DPP4: variants seen among roughly 807,000 people sequenced by gnomAD.
DPP4 encodes ADCP-2.
A neutral mutation model predicts 122.4 loss-of-function variants in DPP4; 93 were observed. The observed-to-expected ratio is 0.76, with a 90% CI of 0.64 to 0.90. DPP4 has a LOEUF of 0.90. Among genes scored for constraint, DPP4 ranks in the 40% least tolerant of loss-of-function variants. The pLI is 0.00. For missense variants in DPP4, 914 were observed against 907.3 expected (o/e 1.01, Z -0.09); for synonymous variants, 321 against 302.9 (o/e 1.06, Z -0.62).
chr2:162,056,114 C>T (rs978493568), intron 2 of DPP4, among the ~76,000 whole-genome samples: 2 of 152,312 alleles, frequency 1.3e-5, no homozygotes, highest in South Asian at 4.1e-4. Context: ...AGCACTGCAG[C>T]CTTCTTCCCC....
At chr2:162,002,598 C>A (rs1434145113) in intron 23 of DPP4, among the ~76,000 whole-genome samples, 2 of 151,636 alleles carry the variant, frequency 1.3e-5, no homozygotes, top group Non-Finnish European at 2.9e-5. Context: ...GTGGTGAAAT[C>A]CTCTAAGGAA....
chr2:162,030,845 C>A (rs1683524321), intron 10 of DPP4, among the ~76,000 whole-genome samples: 2 of 152,176 alleles, frequency 1.3e-5, no homozygotes, highest in Admixed American at 1.3e-4. Flanking sequence ...AATATACATT[C>A]CACACAAAAT....
intron 16 of DPP4, chr2:162,017,442 T>A (rs1682965961): frequency 5.2e-6 from 2 of 381,520 alleles, no homozygotes; most frequent in South Asian, 1.2e-4. Context: ...TTATCATCTC[T>A]GAACTTAATA....
At chr2:162,054,568 T>G (rs1054101500) in intron 2 of DPP4, among the ~76,000 whole-genome samples, 1 of 152,156 alleles carries the variant, frequency 6.6e-6, no homozygotes, top group Non-Finnish European at 1.5e-5. Flanking sequence ...TTGAAGTGAT[T>G]AAGTCATGAG....
intron 2 of DPP4, among the ~76,000 whole-genome samples, chr2:162,052,558 G>T (rs547474196): frequency 6.6e-6 from 1 of 152,214 alleles, no homozygotes; most frequent in East Asian, 1.9e-4. Flanking sequence ...TAGGTATTTT[G>T]TTATAACAAG....
rs546042369 is a variant in DPP4 at position 162,020,498 on chromosome 2, C to T, written c.1176+83G>A. On this transcript the variant is annotated intron_variant, in intron 13 of 25. Coordinates refer to ENST00000360534, the MANE Select transcript of DPP4 (RefSeq NM_001935.4). ...CTGATTTTTATACACATTGATCCAC[C>T]TTACCAAATGATTTCCACTTCAAGT... 1.6e-5 allele frequency: 18 copies of T among 1,145,808 alleles called. No homozygotes were observed. In the African/African-American group the frequency reaches 2.5e-4, roughly 16 times the overall value. 71.0% of individuals were successfully genotyped at this position (1,145,808 alleles called of 1,614,324 possible).
rs750977881 is a variant in DPP4 at position 162,073,361 on chromosome 2, T to G, written c.94+38A>C. ...TGGTAAGACGGAGCCTGACCTGAGC[T>G]CCAACTGTCCTATCTTTTTCAAATG... On this transcript the variant is annotated intron_variant, in intron 2 of 25. Coordinates refer to ENST00000360534, the MANE Select transcript of DPP4 (RefSeq NM_001935.4). The G allele has an allele frequency of 1.2e-5, 20 of 1,606,600 alleles. No homozygotes were observed. In the South Asian group the frequency reaches 2.2e-4, roughly 18 times the overall value.
chr2:162,058,055 G>A lies in DPP4; in HGVS notation c.95-10554C>T, dbSNP rs1684639585. ...CCCAAAGTGCTGGGATTACAGGCCT[G>A]AGCCACCATGCCTGGCCTCTAGTAT... On this transcript the variant is annotated intron_variant, in intron 2 of 25. Transcript: ENST00000360534. Among the ~76,000 whole-genome samples the A allele has an allele frequency of 2.0e-5, 3 of 152,294 alleles. No individual in the cohort carries two copies. The South Asian group carries it at 6.2e-4, about 32-fold the overall frequency.
intron 2 of DPP4, among the ~76,000 whole-genome samples, chr2:162,047,926 T>C (rs1423047065): frequency 6.6e-6 from 1 of 152,208 alleles, no homozygotes; most frequent in African/African-American, 2.4e-5. Flanking sequence ...ATGAGAACTT[T>C]CATGTTCTTT....
chr2:162,007,296 G>A (rs753799247), intron 22 of DPP4, among the ~76,000 whole-genome samples: 1 of 152,142 alleles, frequency 6.6e-6, no homozygotes, highest in East Asian at 1.9e-4. Flanking sequence ...TTTTCCCCTA[G>A]GTAGCTGCAG....
intron 9 of DPP4, among the ~76,000 whole-genome samples, chr2:162,033,959 T>C (rs890273893): frequency 2.0e-5 from 3 of 150,352 alleles, no homozygotes; most frequent in East Asian, 2.0e-4. Flanking sequence ...TATATCTTTA[T>C]AATTTATCAC....
chr2:162,019,866 C>T (rs1470661029), intron 14 of DPP4, among the ~76,000 whole-genome samples: 1 of 152,084 alleles, frequency 6.6e-6, no homozygotes, highest in Non-Finnish European at 1.5e-5. Flanking sequence ...AGAGTAAGGC[C>T]GGGACATGGA....
At chr2:162,045,793 T>G (rs548578512) in intron 4 of DPP4, among the ~76,000 whole-genome samples, 181 bp from the exon 5 acceptor site, 1 of 152,146 alleles carries the variant, frequency 6.6e-6, no homozygotes, top group Admixed American at 6.5e-5. Flanking sequence ...TGGCGATCAA[T>G]GTTAGAAAGC....
chr2:162,058,547 G>A (rs1684654457), intron 2 of DPP4, among the ~76,000 whole-genome samples: 1 of 152,304 alleles, frequency 6.6e-6, no homozygotes, highest in African/African-American at 2.4e-5. Context: ...CTTTGCACTT[G>A]AATAAACTCT....
chr2:162,060,611 G>C (rs1053557196), intron 2 of DPP4, among the ~76,000 whole-genome samples: 1 of 151,966 alleles, frequency 6.6e-6, no homozygotes, highest in Non-Finnish European at 1.5e-5. Context: ...TATAAAATTA[G>C]CCAACAAAAA....
At chr2:162,038,122 A>G (rs1683847297) in intron 8 of DPP4, among the ~76,000 whole-genome samples, 180 bp downstream of exon 8, 1 of 152,206 alleles carries the variant, frequency 6.6e-6, no homozygotes, top group South Asian at 2.1e-4. Flanking sequence ...AGTGCTAGGA[A>G]TAGTTAAATT....
chr2:161,995,195 T>C, intron 24 of DPP4, 105 bp downstream of exon 24: 1 of 1,329,698 alleles, frequency 7.5e-7, no homozygotes, highest in Non-Finnish European at 1.1e-6. Flanking sequence ...AACACTGTTT[T>C]ATTGAAGTAA....
At chr2:162,049,980 C>A (rs933596830) in intron 2 of DPP4, among the ~76,000 whole-genome samples, 7 of 152,104 alleles carry the variant, frequency 4.6e-5, no homozygotes, top group Admixed American at 4.6e-4. Context: ...TGCATTTCAT[C>A]CCTAAAAGTT....
intron 10 of DPP4, among the ~76,000 whole-genome samples, chr2:162,029,671 A>G (rs1683470860): frequency 6.6e-6 from 1 of 152,180 alleles, no homozygotes; most frequent in Non-Finnish European, 1.5e-5. Context: ...AAGACTTTAT[A>G]TCTATTGTGT....
Sources: allele counts gnomAD v4.1 joint callset (sites outside exome capture counted in the v4.1 genomes callset), GRCh38; gene constraint gnomAD v4.1.1; transcripts MANE v1.5; gene names NCBI Gene and HGNC (gene_info 2026-07-23, HGNC 2026-07-21).